The following MEF2C variants were observed in gnomAD, a reference collection of about 807,000 sequenced individuals.
MEF2C encodes myocyte-specific enhancer factor 2C.
A neutral mutation model predicts 50.5 loss-of-function variants in MEF2C; 6 were observed. The observed-to-expected ratio is 0.12, with a 90% CI of 0.07 to 0.23. The LOEUF is 0.23. Ranked by LOEUF, MEF2C falls within the 10% of genes least tolerant of loss-of-function variation. MEF2C has a pLI of 1.00. For synonymous variants in MEF2C, 183 were observed against 228.0 expected, an observed-to-expected ratio of 0.80 and a Z score of 1.78; for missense variants, 276 against 605.0, an observed-to-expected ratio of 0.46 and a Z score of 5.70.
rs1481656952 is a variant in MEF2C at position 88,864,857 on chromosome 5, G to A, written c.-143+18098C>T. Among the ~76,000 whole-genome samples, 4 of 150,770 alleles carry A rather than the reference G, an allele frequency of 2.7e-5. No homozygotes were observed. In the East Asian group the frequency reaches 7.8e-4, roughly 29 times the overall value. ...TCTCGGCTCACTCACCGCAACCTCC[G>A]CCTCCCGGGTTCAAGCGATTCTGCC... On this transcript the variant is annotated intron_variant, in intron 1 of 10. Transcript: ENST00000504921.
At position 88,721,304 on chromosome 5, in the gene MEF2C, A is replaced by T. The variant is rs1396714195; in HGVS notation, c.*1300T>A. On this transcript the variant is annotated 3_prime_UTR_variant, in exon 11 of 11. Coordinates refer to ENST00000504921, the MANE Select transcript of MEF2C (RefSeq NM_002397.5). ...ATCAGAAAGGGGCCCTGCATTTGAT[A>T]AAAATGCAAAAAACAAAATAAAAAT... is the stretch of plus-strand genomic sequence containing the variant. The T allele has an allele frequency of 1.3e-5, 2 of 152,648 alleles. No homozygotes were observed. The highest frequency in any genetic ancestry group is 1.3e-4 in the Admixed American group (2 of 15,274). The allele number at this position is 152,648 out of a possible 1,614,324, so 9.5% of individuals were successfully genotyped here.
At chr5:88,848,028 C>T (rs1819937547) in intron 1 of MEF2C, among the ~76,000 whole-genome samples, 1 of 152,152 alleles carries the variant, frequency 6.6e-6, no homozygotes, top group Non-Finnish European at 1.5e-5. Flanking sequence ...TGCAAATAAA[C>T]TTCATTCAGC....
At chr5:88,826,357 A>G (rs951482214) in intron 1 of MEF2C, among the ~76,000 whole-genome samples, 4 of 152,106 alleles carry the variant, frequency 2.6e-5, no homozygotes, top group Non-Finnish European at 5.9e-5. Context: ...CTGTATAAAT[A>G]TTTCTTGAGG....
At chr5:88,834,878 A>G (rs1196639675) in intron 1 of MEF2C, among the ~76,000 whole-genome samples, 5 of 152,206 alleles carry the variant, frequency 3.3e-5, no homozygotes. Flanking sequence ...AGACAAAACC[A>G]CACTCATTTG....
chr5:88,822,838 G>A (rs759541473), intron 2 of MEF2C, among the ~76,000 whole-genome samples: 8 of 151,876 alleles, frequency 5.3e-5, no homozygotes, highest in Admixed American at 3.3e-4. Flanking sequence ...GTCCAGAAAC[G>A]TCTTCTCTGC....
chr5:88,771,511 T>C (rs1782419729), intron 3 of MEF2C: 1 of 985,226 alleles, frequency 1.0e-6, no homozygotes, highest in South Asian at 4.7e-5. Context: ...TTATATGTGG[T>C]ATGTTATACT....
At chr5:88,884,748 T>C (rs1413722663), upstream of MEF2C, among the ~76,000 whole-genome samples, 1 of 143,888 alleles carries the variant, frequency 6.9e-6, no homozygotes, top group East Asian at 2.0e-4. Context: ...TAGAGACTGA[T>C]AAGGGAGGAT....
intron 1 of MEF2C, among the ~76,000 whole-genome samples, chr5:88,874,264 T>C (rs989406871): frequency 6.6e-6 from 1 of 151,960 alleles, no homozygotes; most frequent in Non-Finnish European, 1.5e-5. Flanking sequence ...CATACATATG[T>C]TCAATAGTTG....
chr5:88,813,348 A>G (rs552521553), intron 2 of MEF2C, among the ~76,000 whole-genome samples: 1 of 152,254 alleles, frequency 6.6e-6, no homozygotes, highest in South Asian at 2.1e-4. Context: ...AAAAACAGAG[A>G]AGGAGTCCTG....
intron 1 of MEF2C, among the ~76,000 whole-genome samples, chr5:88,827,831 TA>T (rs1811514340): frequency 6.8e-6 from 1 of 147,770 alleles, no homozygotes; most frequent in African/African-American, 2.5e-5. Context: ...AACTTTTGGT[TA>T]AAAAAAAGAA....
chr5:88,800,971 G>A (rs916609865), intron 3 of MEF2C, among the ~76,000 whole-genome samples: 1 of 152,112 alleles, frequency 6.6e-6, no homozygotes, highest in Non-Finnish European at 1.5e-5. Flanking sequence ...TTGTGCCATT[G>A]TTGGAGTAGT....
At chr5:88,829,911 G>T (rs1812380370) in intron 1 of MEF2C, among the ~76,000 whole-genome samples, 1 of 151,828 alleles carries the variant, frequency 6.6e-6, no homozygotes, top group Admixed American at 6.6e-5. Flanking sequence ...GTGAATCCTG[G>T]GTACACAGTA....
chr5:88,734,393 C>T (rs1762974706), intron 6 of MEF2C: 1 of 984,926 alleles, frequency 1.0e-6, no homozygotes, highest in Non-Finnish European at 1.2e-6. Context: ...TTGAATAGAT[C>T]AGAAGAAACT....
intron 6 of MEF2C, chr5:88,741,894 G>C: frequency 1.0e-6 from 1 of 985,368 alleles, no homozygotes; most frequent in Non-Finnish European, 1.2e-6. Flanking sequence ...GGACGTATCA[G>C]TTGGTTATAA....
intron 6 of MEF2C, chr5:88,733,303 G>A: frequency 2.0e-6 from 2 of 985,286 alleles, no homozygotes; most frequent in Non-Finnish European, 2.4e-6. Flanking sequence ...GTTTAGAAGG[G>A]GACCCGTGAA....
intron 1 of MEF2C, among the ~76,000 whole-genome samples, chr5:88,896,106 C>G (rs1835089053): frequency 6.6e-6 from 1 of 152,144 alleles, no homozygotes; most frequent in Non-Finnish European, 1.5e-5. Context: ...AAACCTGGCC[C>G]TTACTTGAGG....
chr5:88,788,178 G>GTTTGTTTGTTTGTTTATTTA (rs71613095), intron 3 of MEF2C, among the ~76,000 whole-genome samples: 57 of 89,202 alleles, frequency 6.4e-4, no homozygotes, highest in Admixed American at 3.2e-3. Flanking sequence ...TTGTTTGTTT[G>GTTTGTTTGTTTGTTTATTTA]TTTATTTATT....
At chr5:88,884,325 C>CA (rs1282271764), upstream of MEF2C, 1 of 152,248 alleles carries the variant, frequency 6.6e-6, no homozygotes, top group Non-Finnish European at 1.5e-5. Context: ...CTCCGTTACT[C>CA]ACGCGTAAAA....
At chr5:88,777,910 T>TC (rs1785682684) in intron 3 of MEF2C, among the ~76,000 whole-genome samples, 1 of 138,520 alleles carries the variant, frequency 7.2e-6, no homozygotes, top group Non-Finnish European at 1.6e-5. Flanking sequence ...TTTTTTTTTT[T>TC]TTTTTTTTTT....
Sources: gnomAD v4.1 joint callset for allele counts (sites outside exome capture counted in the v4.1 genomes callset) on GRCh38, gnomAD v4.1.1 for gene constraint, MANE v1.5 for transcripts, NCBI Gene and HGNC (gene_info 2026-07-23, HGNC 2026-07-21) for gene names.